The following SORCS2 variants were observed in gnomAD, a reference collection of about 807,000 sequenced individuals.
The protein encoded by SORCS2 is sortilin related VPS10 domain containing receptor 2, also known as VPS10 domain-containing receptor SorCS2.
In SORCS2, 100 loss-of-function variants were observed where a neutral mutation model predicts 141.6. The observed-to-expected ratio is 0.71, with a 90% CI of 0.60 to 0.83. SORCS2 has a LOEUF of 0.83. SORCS2 is among the 40% of genes least tolerant of loss of function. The pLI is 0.00. For synonymous variants in SORCS2, 789 were observed against 676.9 expected, an observed-to-expected ratio of 1.17 and a Z score of -2.57; for missense variants, 1,646 against 1,560.2, an observed-to-expected ratio of 1.05 and a Z score of -0.93.
chr4:7,574,775 C>T (rs2109724594), intron 3 of SORCS2, among the ~76,000 whole-genome samples: 1 of 152,304 alleles, frequency 6.6e-6, no homozygotes, highest in Admixed American at 6.5e-5. Flanking sequence ...CTGACTGCAT[C>T]TGTGGGGCTG....
At chr4:7,554,916 G>A (rs1461926381) in intron 3 of SORCS2, among the ~76,000 whole-genome samples, 1 of 152,192 alleles carries the variant, frequency 6.6e-6, no homozygotes, top group Non-Finnish European at 1.5e-5. Flanking sequence ...CAGGAGAGCT[G>A]AGGAAGTAGG....
chr4:7,461,888 C>T (rs561743412), intron 2 of SORCS2, among the ~76,000 whole-genome samples: 5 of 152,336 alleles, frequency 3.3e-5, no homozygotes, highest in Admixed American at 6.5e-5. Flanking sequence ...TCCAGGCACA[C>T]CTGGGAGGTG....
At chr4:7,285,093 C>A (rs1422736429) in intron 1 of SORCS2, among the ~76,000 whole-genome samples, 1 of 151,154 alleles carries the variant, frequency 6.6e-6, no homozygotes, top group African/African-American at 2.4e-5. Context: ...AGTGCAGTGG[C>A]ATGATCTTGG....
chr4:7,310,004 C>T (rs1159125366), intron 1 of SORCS2, among the ~76,000 whole-genome samples: 1 of 152,208 alleles, frequency 6.6e-6, no homozygotes, highest in African/African-American at 2.4e-5. Context: ...AACTCAAAGG[C>T]TATGAGTTTT....
chr4:7,439,395 C>A (rs928209623), intron 2 of SORCS2, among the ~76,000 whole-genome samples: 3 of 152,152 alleles, frequency 2.0e-5, no homozygotes, highest in African/African-American at 7.2e-5. Flanking sequence ...AAACACCAAT[C>A]CATAGCACTG....
intron 2 of SORCS2, among the ~76,000 whole-genome samples, chr4:7,495,696 G>A (rs76166070): frequency 0.014 from 2,074 of 152,308 alleles, 52 homozygotes; most frequent in African/African-American, 0.047. Flanking sequence ...CTGAGGTCAC[G>A]AAGAAGGGAG....
At chr4:7,404,770 A>T (rs1257898407) in intron 2 of SORCS2, among the ~76,000 whole-genome samples, 1 of 152,130 alleles carries the variant, frequency 6.6e-6, no homozygotes, top group East Asian at 1.9e-4. Flanking sequence ...TGTTGGATGA[A>T]TAGTTTGCAA....
At chr4:7,631,720 A>T (rs1719910612) in intron 3 of SORCS2, among the ~76,000 whole-genome samples, 1 of 152,162 alleles carries the variant, frequency 6.6e-6, no homozygotes, top group South Asian at 2.1e-4. Flanking sequence ...TGAGTCAGTC[A>T]GTCCCCTCCA....
intron 3 of SORCS2, among the ~76,000 whole-genome samples, chr4:7,533,438 G>A (rs1016305094): frequency 1.3e-5 from 2 of 152,156 alleles, no homozygotes; most frequent in Non-Finnish European, 2.9e-5. Context: ...AGGAGGCCAC[G>A]CCCCCCACCT....
intron 1 of SORCS2, among the ~76,000 whole-genome samples, chr4:7,205,372 A>G (rs1409134111): frequency 2.0e-5 from 3 of 152,250 alleles, no homozygotes; most frequent in Non-Finnish European, 4.4e-5. Flanking sequence ...TAATTAGCAT[A>G]AAACAAAGTA....
intron 3 of SORCS2, among the ~76,000 whole-genome samples, chr4:7,633,350 T>A (rs766790504): frequency 6.6e-6 from 1 of 152,116 alleles, no homozygotes; most frequent in Non-Finnish European, 1.5e-5. Context: ...CTGCTTGCCT[T>A]TGGGGTCATG....
At chr4:7,710,135 G>A (rs1278717171) in intron 14 of SORCS2, among the ~76,000 whole-genome samples, 2 of 152,154 alleles carry the variant, frequency 1.3e-5, no homozygotes, top group East Asian at 3.8e-4. Context: ...CAGAACAGCG[G>A]TGAGACTGAG....
rs74318942 is a variant in SORCS2, at chr4:7,725,773, G to C, written c.2745+486G>C. Among the ~76,000 whole-genome samples the C allele has an allele frequency of 6.9e-3, 1,053 of 152,334 alleles. 8 individuals are homozygous for C. Among genetic ancestry groups the C allele is most frequent in the African/African-American group, 0.024 (1,013 of 41,580 alleles). ...AGAGCCCAAATTAGCAGAATGCCTG[G>C]ACTGGGGGCAAGACCCAGTGAAGGG... On this transcript the variant is annotated intron_variant, in intron 20 of 26. Transcript: ENST00000507866.
chr4:7,421,629 G>A (rs1379399497), intron 2 of SORCS2, among the ~76,000 whole-genome samples: 1 of 152,140 alleles, frequency 6.6e-6, no homozygotes, highest in East Asian at 1.9e-4. Context: ...CTCCCTTTGT[G>A]TGTCTCCTAA....
rs1051043878 is a variant in SORCS2, at chr4:7,676,652, T to C, written c.1341+423T>C. ...CCCCATCTCTCTCCCTCTCTCCCTC[T>C]CTCTCTCTACCCCAGCCCCTTCGTC... is the stretch of plus-strand genomic sequence containing the variant. On this transcript the variant is annotated intron_variant, in intron 9 of 26. Coordinates refer to ENST00000507866, the MANE Select transcript of SORCS2 (RefSeq NM_020777.3). 4.4e-4 allele frequency among the ~76,000 whole-genome samples: 62 copies of C among 139,424 alleles called. No individual in the cohort carries two copies. The South Asian group carries it at 5.8e-3, about 13-fold the overall frequency. 91.5% of individuals were successfully genotyped at this position (139,424 alleles called of 152,430 possible). A position where few individuals can be genotyped will look rare whatever the true frequency, so the allele number is the denominator to read the frequency against.
At chr4:7,278,195 T>G (rs1244609930) in intron 1 of SORCS2, among the ~76,000 whole-genome samples, 1 of 152,130 alleles carries the variant, frequency 6.6e-6, no homozygotes, top group Non-Finnish European at 1.5e-5. Flanking sequence ...CAATAGCGTG[T>G]AAGTCCCCAC....
chr4:7,214,986 C>T (rs908603083), intron 1 of SORCS2, among the ~76,000 whole-genome samples: 14 of 152,072 alleles, frequency 9.2e-5, no homozygotes, highest in African/African-American at 3.1e-4. Context: ...ACGGCCCTCG[C>T]TTGCTCTCGG....
chr4:7,519,095 G>C (rs993410544), intron 2 of SORCS2, among the ~76,000 whole-genome samples: 2 of 152,188 alleles, frequency 1.3e-5, no homozygotes, highest in Non-Finnish European at 2.9e-5. Flanking sequence ...TGTGCCCGGC[G>C]GAGGGCTCGC....
chr4:7,239,730 C>A (rs904886257), intron 1 of SORCS2, among the ~76,000 whole-genome samples: 1 of 152,126 alleles, frequency 6.6e-6, no homozygotes, highest in Non-Finnish European at 1.5e-5. Flanking sequence ...GGGTTCTGGC[C>A]GAAAAGTTCT....
Sources: allele counts gnomAD v4.1 joint callset (sites outside exome capture counted in the v4.1 genomes callset), GRCh38; gene constraint gnomAD v4.1.1; transcripts MANE v1.5; gene names NCBI Gene and HGNC (gene_info 2026-07-23, HGNC 2026-07-21).